The following SBDS variants were observed in gnomAD, a reference collection of about 807,000 sequenced individuals.
SBDS encodes the protein SBDS ribosome maturation factor, also known as ribosome maturation protein SBDS.
Under a neutral mutation model 26.4 loss-of-function variants are expected in SBDS, and 20 were observed. The observed-to-expected ratio is 0.76, with a 90% CI of 0.53 to 1.10. The LOEUF (loss-of-function observed/expected upper bound fraction) is 1.10. Among genes scored for constraint, SBDS ranks in the 50% least tolerant of loss-of-function variants. The probability of loss-of-function intolerance (pLI) is 0.00; values close to 1 mark genes in which losing one functional copy is unlikely to be tolerated. For synonymous variants in SBDS, 95 were observed against 105.1 expected (o/e 0.90, Z 0.59); for missense variants, 241 against 302.0 (o/e 0.80, Z 1.50).
At chr7:66,990,407 A>G (rs1792950557) in intron 4 of SBDS, among the ~76,000 whole-genome samples, 2 of 152,126 alleles carry the variant, frequency 1.3e-5, no homozygotes. Flanking sequence ...TGATTTCAAC[A>G]TTGGGATTGT....
At chr7:66,994,557 C>T (rs993054807) in intron 1 of SBDS, among the ~76,000 whole-genome samples, 7 of 151,552 alleles carry the variant, frequency 4.6e-5, no homozygotes, top group Non-Finnish European at 8.8e-5. Context: ...TGCAATGGCG[C>T]GATCTCGGGT....
intron 3 of SBDS, 53 bp from the exon 4 acceptor site, chr7:66,991,354 G>A (rs1174933324): frequency 9.8e-5 from 141 of 1,437,504 alleles, no homozygotes; most frequent in Non-Finnish European, 1.3e-4. Context: ...ATTTCATAAG[G>A]TTTTCAAAAA....
At chr7:66,990,548 T>C (rs1792953014) in intron 4 of SBDS, among the ~76,000 whole-genome samples, 1 of 152,190 alleles carries the variant, frequency 6.6e-6, no homozygotes, top group Admixed American at 6.5e-5. Context: ...TTTAAGGTAA[T>C]TGGAATTATC....
At chr7:66,989,459 C>T (rs1354969437) in intron 4 of SBDS, among the ~76,000 whole-genome samples, 1 of 151,798 alleles carries the variant, frequency 6.6e-6, no homozygotes, top group African/African-American at 2.4e-5. Context: ...GCAGGAGAAT[C>T]GCTTGAACCC....
chr7:66,990,420 C>T (rs1307377180), intron 4 of SBDS, among the ~76,000 whole-genome samples: 2 of 152,100 alleles, frequency 1.3e-5, no homozygotes, highest in Non-Finnish European at 2.9e-5. Context: ...GGGATTGTGG[C>T]ATTTGGGATT....
chr7:66,990,254 G>A (rs978505106), intron 4 of SBDS, among the ~76,000 whole-genome samples: 1 of 152,184 alleles, frequency 6.6e-6, no homozygotes, highest in Admixed American at 6.5e-5. Flanking sequence ...CCGACCTCAG[G>A]TGATCCACCT....
chr7:66,995,506 C>T lies in SBDS; in HGVS notation c.-89G>A. The stretch of plus-strand genomic sequence containing the variant: ...GCCACCAGCGCCTCGCGGTAACGAC[C>T]GATCGGCGCGCGGCACTGACCCAAC... On this transcript the variant is annotated 5_prime_UTR_variant, in exon 1 of 5. Coordinates refer to ENST00000246868, the MANE Select transcript of SBDS (RefSeq NM_016038.4). 3 of 1,596,158 alleles carry T rather than the reference C, an allele frequency of 1.9e-6. No homozygotes were observed. The highest frequency in any genetic ancestry group is 2.2e-5 in the South Asian group (2 of 90,372).
intron 2 of SBDS, among the ~76,000 whole-genome samples, 183 bp from the exon 3 acceptor site, chr7:66,993,600 T>G (rs192595613): frequency 1.3e-3 from 192 of 152,190 alleles, no homozygotes; most frequent in East Asian, 2.5e-3. Flanking sequence ...TTGGCTGGGC[T>G]CAGTGGCTCA....
rs1792966789 is a variant in SBDS at position 66,991,142 on chromosome 7, C to T, written c.619G>A (p.Glu207Lys). Residue 207 changes from glutamate to lysine, a missense_variant, in exon 4 of 5, where the codon GAA becomes AAA. Transcript: ENST00000246868. Reference protein sequence around the residue: ...IESEDYGQQLEIVCLIDPGCF... With the variant: ...IESEDYGQQLKIVCLIDPGCF... ...AGAAAATATTTGACTCTTACGATTT[C>T]TAACTGTTGGCCATAATCTTCACTT... 1 of 1,612,266 alleles carries T rather than the reference C, an allele frequency of 6.2e-7. No homozygotes were observed. Among genetic ancestry groups the T allele is most frequent in the Non-Finnish European group, 8.5e-7 (1 of 1,179,436 alleles).
At chr7:66,988,903 A>T (rs915945731) in intron 4 of SBDS, among the ~76,000 whole-genome samples, 4 of 151,066 alleles carry the variant, frequency 2.6e-5, no homozygotes, top group Non-Finnish European at 5.9e-5. Context: ...ATGTTAATTT[A>T]TTTTTTTTTG....
Position 66,993,256 on chromosome 7 carries a change from G to A in SBDS, c.420C>T (p.Ile140=). The A allele has an allele frequency of 6.2e-7, 1 of 1,614,096 alleles. No homozygotes were observed. Among genetic ancestry groups the A allele is most frequent in the Non-Finnish European group, 8.5e-7 (1 of 1,180,014 alleles). ...TCTTGTTGGTTTTCACCGAATAGTG[G>A]ATGTCCTTCATGGCTCTCTCAATAA... is the stretch of plus-strand genomic sequence containing the variant. ...VILIERAMKD[I]HYSVKTNKST... is the part of the protein sequence containing the mutation. Residue 140 remains isoleucine (I), a synonymous_variant, in exon 3 of 5, where the codon ATC becomes ATT. Coordinates refer to ENST00000246868, the MANE Select transcript of SBDS (RefSeq NM_016038.4).
chr7:66,993,459 C>T (rs1793018875), intron 2 of SBDS, 42 bp from the exon 3 acceptor site: 3 of 1,445,678 alleles, frequency 2.1e-6, no homozygotes, highest in Non-Finnish European at 2.9e-6. Context: ...CTATCTTTCT[C>T]TATCACACAC....
At position 66,994,417 on chromosome 7, in the gene SBDS, T is replaced by C. The variant is rs566212459; in HGVS notation, c.129-76A>G. On this transcript the variant is annotated intron_variant, in intron 1 of 4. Coordinates refer to ENST00000246868, the MANE Select transcript of SBDS (RefSeq NM_016038.4). ...CATGCATTTACATTTAAATACGAGA[T>C]GGCAACAACATGAACGGCAAGACAC... The C allele has an allele frequency of 4.1e-3, 5,318 of 1,283,134 alleles. 58 individuals carry two copies. The highest frequency in any genetic ancestry group is 0.023 in the Middle Eastern group (126 of 5,398). The allele number at this position is 1,283,134 out of a possible 1,614,324, so 79.5% of individuals were successfully genotyped here. A position where few individuals can be genotyped will look rare whatever the true frequency, so the allele number is the denominator to read the frequency against.
chr7:66,992,107 T>C (rs1792987681), intron 3 of SBDS, among the ~76,000 whole-genome samples: 1 of 152,236 alleles, frequency 6.6e-6, no homozygotes, highest in South Asian at 2.1e-4. Context: ...AGCAACCCAA[T>C]GTCTATCAAC....
At chr7:66,989,852 C>A in intron 4 of SBDS, among the ~76,000 whole-genome samples, 1 of 144,698 alleles carries the variant, frequency 6.9e-6, no homozygotes, top group Admixed American at 6.8e-5. Flanking sequence ...GGCACCCAGA[C>A]TCATCTCTTT....
Position 66,991,261 on chromosome 7 carries a change from A to G in SBDS, c.500T>C (p.Ile167Thr). Reference sequence around the variant, plus strand: ...CCGAAGCCTCATGTGAGCACGTTCTATCTTCATTTTCTCTTTTAACTGCTT... The same window carrying G: ...CCGAAGCCTCATGTGAGCACGTTCTGTCTTCATTTTCTCTTTTAACTGCTT... The part of the protein sequence containing the change: ...VIKQLKEKMK[I>T]ERAHMRLRFI... The change falls in exon 4 of 5, where the codon ATA becomes ACA. Residue 167 changes from isoleucine to threonine, a missense_variant. By Grantham distance (89) the Ile-to-Thr change is moderately conservative. Coordinates refer to ENST00000246868, the MANE Select transcript of SBDS (RefSeq NM_016038.4). The G allele has an allele frequency of 1.2e-6, 2 of 1,613,476 alleles. No individual in the cohort carries two copies. The highest frequency in any genetic ancestry group is 1.7e-6 in the Non-Finnish European group (2 of 1,179,846).
Position 66,995,277 on chromosome 7 carries a change from G to A in SBDS, c.128+13C>T. 1 of 1,613,492 alleles carries A rather than the reference G, an allele frequency of 6.2e-7. No individual in the cohort carries two copies. The highest frequency in any genetic ancestry group is 1.3e-5 in the African/African-American group (1 of 75,044). The stretch of plus-strand genomic sequence containing the variant: ...CAGGCCCAGGCCCAGGCCCGAGGGA[G>A]GGGGCTACTCACACGCCGCTCCGCC... On this transcript the variant is annotated intron_variant, in intron 1 of 4. Transcript: ENST00000246868.
At chr7:66,995,187 C>T (rs1793074331) in intron 1 of SBDS, 103 bp downstream of exon 1, 3 of 1,531,990 alleles carry the variant, frequency 2.0e-6, no homozygotes, top group Admixed American at 3.4e-5. Context: ...CCTCCCCGGC[C>T]AACACCCCAG....
rs781271446 is a variant in SBDS, at chr7:66,995,157, A to T, written c.128+133T>A. The T allele has an allele frequency of 3.1e-6, 4 of 1,277,656 alleles. No homozygotes were observed. The East Asian group carries it at 7.1e-5, about 23-fold the overall frequency. 79.1% of individuals were successfully genotyped at this position (1,277,656 alleles called of 1,614,324 possible). On this transcript the variant is annotated intron_variant, in intron 1 of 4. Coordinates refer to ENST00000246868, the MANE Select transcript of SBDS (RefSeq NM_016038.4). ...GCTCGGACAGCGACGTCTCATGCTCACAGCAGGAATGTTCCATTTCCTCCC... is the reference window on the plus strand; with the variant it reads ...GCTCGGACAGCGACGTCTCATGCTCTCAGCAGGAATGTTCCATTTCCTCCC...
Sources: gnomAD v4.1 joint callset for allele counts (sites outside exome capture counted in the v4.1 genomes callset) on GRCh38, gnomAD v4.1.1 for gene constraint, MANE v1.5 for transcripts, NCBI Gene and HGNC (gene_info 2026-07-23, HGNC 2026-07-21) for gene names.